TMEM45B: variants seen among roughly 807,000 people sequenced by gnomAD.
The protein encoded by TMEM45B is transmembrane protein 45B.
TMEM45B carries 29 observed loss-of-function variants against 27.3 expected under a neutral mutation model. The ratio of observed to expected loss-of-function variants is 1.06; its 90% CI spans 0.79 to 1.45. The LOEUF is 1.45. TMEM45B is among the 40% of genes most tolerant of loss of function. The pLI, the probability that TMEM45B is intolerant of heterozygous loss-of-function variation, is 0.00. For synonymous variants in TMEM45B, 143 were observed against 134.7 expected, an observed-to-expected ratio of 1.06 and a Z score of -0.43; for missense variants, 348 against 343.9, an observed-to-expected ratio of 1.01 and a Z score of -0.09.
At chr11:129,844,192 C>T (rs146821532) in intron 1 of TMEM45B, among the ~76,000 whole-genome samples, 15 of 152,158 alleles carry the variant, frequency 9.9e-5, no homozygotes, top group African/African-American at 3.6e-4. Flanking sequence ...GGGAAATAAG[C>T]CAGACACAGA....
At chr11:129,816,029 C>T in intron 1 of TMEM45B, 131 bp downstream of exon 1, 1 of 1,211,484 alleles carries the variant, frequency 8.3e-7, no homozygotes, top group Non-Finnish European at 1.0e-6. Flanking sequence ...GGAGGGGACG[C>T]GGACAGGGAG....
At chr11:129,827,569 G>A (rs370323115) in intron 1 of TMEM45B, among the ~76,000 whole-genome samples, 6 of 152,214 alleles carry the variant, frequency 3.9e-5, no homozygotes, top group Admixed American at 3.3e-4. Context: ...TTTGGGAGGC[G>A]GAGGCAGGCA....
At chr11:129,837,581 T>G (rs905748244) in intron 1 of TMEM45B, among the ~76,000 whole-genome samples, 1 of 108,838 alleles carries the variant, frequency 9.2e-6, no homozygotes, top group Non-Finnish European at 2.0e-5. Flanking sequence ...GCCACTGCAC[T>G]GGGCTTTTTT....
chr11:129,840,957 A>AAAAAAAAAAAAAAAC (rs1947682958), intron 1 of TMEM45B, among the ~76,000 whole-genome samples: 1 of 149,380 alleles, frequency 6.7e-6, no homozygotes, highest in Non-Finnish European at 1.5e-5. Context: ...AAAAAAAAAA[A>AAAAAAAAAAAAAAAC]AAAAAAAAAA....
At chr11:129,839,863 T>G (rs1441730842) in intron 1 of TMEM45B, among the ~76,000 whole-genome samples, 1 of 152,202 alleles carries the variant, frequency 6.6e-6, no homozygotes, top group East Asian at 1.9e-4. Flanking sequence ...TTTGTTTTCC[T>G]ATTTGTAAGT....
At chr11:129,841,592 G>GTTTTTTTT (rs567723417) in intron 1 of TMEM45B, among the ~76,000 whole-genome samples, 26 of 124,584 alleles carry the variant, frequency 2.1e-4, no homozygotes, top group Non-Finnish European at 2.8e-4. Context: ...TTGTTTTTTT[G>GTTTTTTTT]TTTTTTTTTT....
rs573599222 is a variant in TMEM45B at position 129,857,418 on chromosome 11, G to T, written c.676G>T (p.Ala226Ser). The change falls in exon 5 of 6, where the codon GCC (alanine) becomes TCC (serine). Residue 226 changes from alanine (A) to serine (S), a missense_variant. By Grantham distance (99) the Ala-to-Ser change is moderately conservative. Coordinates refer to ENST00000281441, the MANE Select transcript of TMEM45B (RefSeq NM_138788.5). ...TMCFCWHYLAALSIVAVNYSL... is the reference protein window; with the variant it reads ...TMCFCWHYLASLSIVAVNYSL... ...GTGCTTCTGCTGGCACTACCTGGCT[G>T]CCCTCAGCATTGTGGCCGTCAACTA... 128 of 1,614,188 alleles carry T rather than the reference G, an allele frequency of 7.9e-5. No individual in the cohort carries two copies. The highest frequency in any genetic ancestry group is 1.8e-4 in the Admixed American group (11 of 60,026).
At chr11:129,841,979 G>A (rs1947701936) in intron 1 of TMEM45B, among the ~76,000 whole-genome samples, 1 of 152,138 alleles carries the variant, frequency 6.6e-6, no homozygotes, top group African/African-American at 2.4e-5. Flanking sequence ...TCTAAATAGA[G>A]AAATACAAAC....
chr11:129,852,282 A>C (rs1329005083), intron 1 of TMEM45B, among the ~76,000 whole-genome samples, 193 bp from the exon 2 acceptor site: 1 of 152,134 alleles, frequency 6.6e-6, no homozygotes, highest in Non-Finnish European at 1.5e-5. Flanking sequence ...AGTGGAGTCC[A>C]GTTGGTTATG....
chr11:129,828,389 T>C (rs1403583033), intron 1 of TMEM45B: 1 of 152,182 alleles, frequency 6.6e-6, no homozygotes, highest in African/African-American at 2.4e-5. Flanking sequence ...GAAATAACAA[T>C]GATGGCAGTA....
chr11:129,854,521 G>A (rs753802115), intron 2 of TMEM45B, 89 bp from the exon 3 acceptor site: 24 of 1,371,414 alleles, frequency 1.8e-5, no homozygotes, highest in Admixed American at 7.9e-5. Flanking sequence ...CCCCATCTCC[G>A]CTTCGCTCAT....
intron 1 of TMEM45B, among the ~76,000 whole-genome samples, chr11:129,820,995 C>T (rs972917148): frequency 2.6e-5 from 4 of 152,134 alleles, no homozygotes; most frequent in African/African-American, 7.2e-5. Context: ...CGCTCCTTTA[C>T]ACCCCCACCC....
At chr11:129,852,329 A>G in intron 1 of TMEM45B, 146 bp from the exon 2 acceptor site, 1 of 711,884 alleles carries the variant, frequency 1.4e-6, no homozygotes, top group Non-Finnish European at 2.3e-6. Flanking sequence ...GTGACGTAAC[A>G]TAAGGCTTGT....
In TMEM45B at chr11:129,855,742, T is replaced by C. The variant is rs1448323975; in HGVS notation, c.420T>C (p.Pro140=). 3 of 1,614,158 alleles carry C rather than the reference T, an allele frequency of 1.9e-6. No individual in the cohort carries two copies. In the South Asian group the frequency reaches 3.3e-5, roughly 18 times the overall value. The change falls in exon 4 of 6, where the codon CCT becomes CCC. Residue 140 remains proline (P), a synonymous_variant. Transcript: ENST00000281441. ...TCTACTACCACGTCCACAACCGGCC[T>C]CCGCTGGACCAGCACATCCACTCAC... ...FLFYYHVHNR[P]PLDQHIHSLL...
intron 1 of TMEM45B, among the ~76,000 whole-genome samples, chr11:129,851,691 T>TG (rs1947849046): frequency 6.6e-6 from 1 of 152,048 alleles, no homozygotes; most frequent in East Asian, 1.9e-4. Flanking sequence ...CCCAGGCCAG[T>TG]GGGGAAAATA....
intron 1 of TMEM45B, chr11:129,850,260 G>T (rs1171459768): frequency 3.9e-5 from 6 of 152,216 alleles, no homozygotes; most frequent in Non-Finnish European, 5.9e-5. Flanking sequence ...CCTCTCCCGG[G>T]TTCAAGCGAT....
intron 1 of TMEM45B, among the ~76,000 whole-genome samples, chr11:129,846,917 G>A (rs1158898216): frequency 6.6e-6 from 1 of 152,202 alleles, no homozygotes. Flanking sequence ...TTAAGGGAAT[G>A]GAAGGGATCC....
chr11:129,841,883 C>A (rs1254789354), intron 1 of TMEM45B, among the ~76,000 whole-genome samples: 1 of 152,112 alleles, frequency 6.6e-6, no homozygotes, highest in Non-Finnish European at 1.5e-5. Flanking sequence ...CAGGCATGAG[C>A]CACTGCGCCC....
rs566124826 is a variant in TMEM45B, at chr11:129,822,050, A to G, written c.-9+6152A>G. Among the ~76,000 whole-genome samples the G allele has an allele frequency of 3.1e-4, 47 of 152,158 alleles. No individual in the cohort carries two copies. The South Asian group carries it at 8.5e-3, about 28-fold the overall frequency. ...TGGGATCTCTTGGATCTGTCTTGTA[A>G]TTTTATCTTTTTTATTTTAAAAAAT... On this transcript the variant is annotated intron_variant, in intron 1 of 5. Coordinates refer to ENST00000281441, the MANE Select transcript of TMEM45B (RefSeq NM_138788.5).
Sources: allele counts gnomAD v4.1 joint callset (sites outside exome capture counted in the v4.1 genomes callset), GRCh38; gene constraint gnomAD v4.1.1; transcripts MANE v1.5; gene names NCBI Gene and HGNC (gene_info 2026-07-23, HGNC 2026-07-21).